The following HHAT variants were observed in gnomAD, a reference collection of about 807,000 sequenced individuals.
HHAT encodes the protein protein-cysteine N-palmitoyltransferase HHAT.
In HHAT, 47 loss-of-function variants were observed where a neutral mutation model predicts 70.8. The ratio of observed to expected loss-of-function variants is 0.66; its 90% confidence interval spans 0.53 to 0.85. The LOEUF is 0.85. Among genes scored for constraint, HHAT ranks in the 40% least tolerant of loss-of-function variants. The pLI, the probability that HHAT is intolerant of heterozygous loss-of-function variation, is 0.00. For missense variants in HHAT, 609 were observed against 604.8 expected (o/e 1.01, Z -0.07); for synonymous variants, 228 against 247.6 (o/e 0.92, Z 0.74).
At chr1:210,555,229 A>G (rs1332645214) in intron 9 of HHAT, among the ~76,000 whole-genome samples, 3 of 152,178 alleles carry the variant, frequency 2.0e-5, no homozygotes, top group South Asian at 4.1e-4. Context: ...CCTTGCCATA[A>G]GCACTCACTT....
chr1:210,550,565 T>G (rs2095519566), intron 9 of HHAT, among the ~76,000 whole-genome samples: 1 of 149,180 alleles, frequency 6.7e-6, no homozygotes, highest in African/African-American at 2.5e-5. Flanking sequence ...CCTTCTCTCC[T>G]GCAGGGGAAG....
chr1:210,483,754 GT>G (rs1234063665), intron 8 of HHAT, among the ~76,000 whole-genome samples: 1 of 152,168 alleles, frequency 6.6e-6, no homozygotes, highest in Non-Finnish European at 1.5e-5. Flanking sequence ...TATATGGACT[GT>G]TTATCTCCTC....
intron 9 of HHAT, among the ~76,000 whole-genome samples, chr1:210,542,190 C>T (rs1558126690): frequency 2.6e-5 from 4 of 152,142 alleles, no homozygotes; most frequent in Non-Finnish European, 1.5e-5. Flanking sequence ...ACCTACGTAT[C>T]CTTATAGGTC....
chr1:210,645,617 C>T (rs1016883963), intron 11 of HHAT, among the ~76,000 whole-genome samples: 4 of 152,186 alleles, frequency 2.6e-5, no homozygotes, highest in Admixed American at 6.5e-5. Context: ...AAGCAATTAA[C>T]GTGGTTGGGT....
At chr1:210,648,096 A>G (rs12736742) in intron 11 of HHAT, among the ~76,000 whole-genome samples, 68,805 of 152,040 alleles carry the variant, frequency 0.45, 16,198 homozygotes, top group Non-Finnish European at 0.52. Context: ...TTCAAACCAA[A>G]CAAACCCAAC....
intron 9 of HHAT, among the ~76,000 whole-genome samples, chr1:210,554,898 A>G (rs2095558597): frequency 6.6e-6 from 1 of 152,066 alleles, no homozygotes; most frequent in African/African-American, 2.4e-5. Flanking sequence ...CCCCTGGAAG[A>G]TGATTGGGCA....
At chr1:210,503,705 C>T (rs1035321132) in intron 8 of HHAT, among the ~76,000 whole-genome samples, 4 of 152,176 alleles carry the variant, frequency 2.6e-5, no homozygotes, top group African/African-American at 9.7e-5. Flanking sequence ...CCTTCTCATC[C>T]TCTCTTCACT....
chr1:210,589,086 A>T (rs1329043610), intron 10 of HHAT: 1 of 152,230 alleles, frequency 6.6e-6, no homozygotes, highest in Admixed American at 6.5e-5. Flanking sequence ...CTAAAAAGAA[A>T]TGTGCTGGCA....
chr1:210,425,158 A>G (rs529390624), intron 7 of HHAT, among the ~76,000 whole-genome samples: 2 of 152,010 alleles, frequency 1.3e-5, no homozygotes, highest in Non-Finnish European at 2.9e-5. Context: ...CTTCTTTTGG[A>G]AAGTCTGTTT....
chr1:210,351,552 G>A (rs2087024792), intron 2 of HHAT, among the ~76,000 whole-genome samples: 1 of 152,162 alleles, frequency 6.6e-6, no homozygotes, highest in Non-Finnish European at 1.5e-5. Context: ...GTGAGATTTT[G>A]ACTTTAATAT....
intron 6 of HHAT, among the ~76,000 whole-genome samples, chr1:210,409,790 G>T (rs1307892176): frequency 6.6e-6 from 1 of 152,178 alleles, no homozygotes; most frequent in Admixed American, 6.5e-5. Context: ...TCCTTTTTAT[G>T]CAATTTGCAT....
intron 4 of HHAT, among the ~76,000 whole-genome samples, chr1:210,398,427 C>A (rs1200072736): frequency 2.0e-5 from 3 of 152,100 alleles, no homozygotes; most frequent in Non-Finnish European, 4.4e-5. Context: ...AGTAGGGAAA[C>A]AGTGGGGGAT....
chr1:210,365,329 T>TTC, intron 3 of HHAT, among the ~76,000 whole-genome samples: 1 of 142,978 alleles, frequency 7.0e-6, no homozygotes, highest in Non-Finnish European at 1.5e-5. Context: ...TTTTTTTTTT[T>TTC]TTTTTGAGAC....
chr1:210,440,958 G>T (rs942075979), intron 7 of HHAT, among the ~76,000 whole-genome samples: 1 of 152,184 alleles, frequency 6.6e-6, no homozygotes, highest in Non-Finnish European at 1.5e-5. Context: ...AAAATGAGTA[G>T]CTCATAGAAT....
chr1:210,548,071 C>G (rs540780813), intron 9 of HHAT, among the ~76,000 whole-genome samples: 12 of 152,334 alleles, frequency 7.9e-5, no homozygotes, highest in African/African-American at 2.9e-4. Flanking sequence ...TTATTTCATA[C>G]CCGACTATAG....
chr1:210,600,018 C>T (rs1663885785), intron 10 of HHAT, among the ~76,000 whole-genome samples: 1 of 152,164 alleles, frequency 6.6e-6, no homozygotes, highest in African/African-American at 2.4e-5. Flanking sequence ...TCCTTCCCCT[C>T]CACCCCTATT....
chr1:210,626,339 G>A (rs954229846), intron 11 of HHAT, among the ~76,000 whole-genome samples: 5 of 152,164 alleles, frequency 3.3e-5, no homozygotes, highest in African/African-American at 4.8e-5. Flanking sequence ...GTGACTGAAC[G>A]CACTATTTGT....
intron 7 of HHAT, among the ~76,000 whole-genome samples, chr1:210,422,059 G>T (rs2092919115): frequency 6.6e-6 from 1 of 151,942 alleles, no homozygotes; most frequent in Non-Finnish European, 1.5e-5. Context: ...TTCTTCTAAA[G>T]CTTTTAAAGT....
intron 8 of HHAT, among the ~76,000 whole-genome samples, chr1:210,491,580 T>G (rs992784460): frequency 6.6e-6 from 1 of 152,190 alleles, no homozygotes; most frequent in Non-Finnish European, 1.5e-5. Context: ...GACAGTGTTG[T>G]TGAGAGCATT....
Sources: allele counts gnomAD v4.1 joint callset (sites outside exome capture counted in the v4.1 genomes callset), GRCh38; gene constraint gnomAD v4.1.1; transcripts MANE v1.5; gene names NCBI Gene and HGNC (gene_info 2026-07-23, HGNC 2026-07-21).